The following MAP3K5 variants were observed in gnomAD, a reference collection of about 807,000 sequenced individuals.
MAP3K5 encodes the protein mitogen-activated protein kinase kinase kinase 5.
In MAP3K5, 56 loss-of-function variants were observed where a neutral mutation model predicts 158.7. The observed-to-expected ratio is 0.35, with a 90% CI of 0.28 to 0.44. MAP3K5 has a LOEUF of 0.44. MAP3K5 is among the 20% of genes least tolerant of loss of function. The pLI is 1.00. For missense variants in MAP3K5, 1,294 were observed against 1,674.8 expected, an observed-to-expected ratio of 0.77 and a Z score of 3.97; for synonymous variants, 579 against 601.7, an observed-to-expected ratio of 0.96 and a Z score of 0.55.
chr6:136,735,633 C>T (rs1035176945), intron 1 of MAP3K5, among the ~76,000 whole-genome samples: 3 of 152,122 alleles, frequency 2.0e-5, no homozygotes, highest in East Asian at 3.9e-4. Flanking sequence ...AGTTTGAGAC[C>T]AGCCTGAGCA....
intron 3 of MAP3K5, among the ~76,000 whole-genome samples, chr6:136,701,982 GGT>G (rs1780872609): frequency 6.6e-6 from 1 of 152,148 alleles, no homozygotes; most frequent in Non-Finnish European, 1.5e-5. Context: ...CAGATGTCTG[GGT>G]GTGTGTTAGG....
At chr6:136,657,615 T>C (rs1414965834) in intron 9 of MAP3K5, among the ~76,000 whole-genome samples, 1 of 152,154 alleles carries the variant, frequency 6.6e-6, no homozygotes. Context: ...CATGGAGATA[T>C]GACTAAACAG....
At chr6:136,654,079 A>T (rs1039681737) in intron 10 of MAP3K5, among the ~76,000 whole-genome samples, 2 of 152,250 alleles carry the variant, frequency 1.3e-5, no homozygotes, top group Non-Finnish European at 2.9e-5. Context: ...TGTTGGCAAG[A>T]TAACACCTAT....
intron 7 of MAP3K5, among the ~76,000 whole-genome samples, chr6:136,677,551 G>A (rs1318064713): frequency 6.6e-6 from 1 of 152,186 alleles, no homozygotes; most frequent in Non-Finnish European, 1.5e-5. Flanking sequence ...ACATGTCTGT[G>A]TCATGAACTC....
intron 21 of MAP3K5, 75 bp downstream of exon 21, chr6:136,600,947 C>T (rs1775845998): frequency 2.7e-6 from 4 of 1,493,368 alleles, no homozygotes; most frequent in Non-Finnish European, 3.7e-6. Flanking sequence ...CATGAGGCTA[C>T]TTGATGGGAA....
intron 15 of MAP3K5, among the ~76,000 whole-genome samples, chr6:136,620,401 C>T (rs918564252): frequency 4.6e-5 from 7 of 152,114 alleles, no homozygotes; most frequent in African/African-American, 9.7e-5. Flanking sequence ...AACAAACCTG[C>T]GCATGTACCC....
intron 1 of MAP3K5, among the ~76,000 whole-genome samples, chr6:136,773,939 C>A (rs1458029754): frequency 6.6e-6 from 1 of 152,130 alleles, no homozygotes; most frequent in Admixed American, 6.6e-5. Context: ...ACATTACAGG[C>A]ATGAGTCACC....
chr6:136,646,303 C>A (rs1778252765), intron 11 of MAP3K5, among the ~76,000 whole-genome samples: 1 of 152,132 alleles, frequency 6.6e-6, no homozygotes. Flanking sequence ...AAATTTGTAA[C>A]CCTATTTAAT....
chr6:136,718,090 G>C (rs972224219), intron 2 of MAP3K5, among the ~76,000 whole-genome samples: 1 of 152,128 alleles, frequency 6.6e-6, no homozygotes, highest in Non-Finnish European at 1.5e-5. Flanking sequence ...AATTTTCCTA[G>C]CTATATCACC....
chr6:136,707,730 GGTGA>G (rs1450277843), intron 2 of MAP3K5, among the ~76,000 whole-genome samples: 1 of 152,214 alleles, frequency 6.6e-6, no homozygotes, highest in African/African-American at 2.4e-5. Flanking sequence ...TGTTTTTTAA[GGTGA>G]GTGATATGTT....
At chr6:136,626,552 A>C (rs1777045700) in intron 14 of MAP3K5, among the ~76,000 whole-genome samples, 1 of 152,174 alleles carries the variant, frequency 6.6e-6, no homozygotes, top group African/African-American at 2.4e-5. Context: ...CAGGAAGCAT[A>C]ATCCAAACAA....
intron 25 of MAP3K5, among the ~76,000 whole-genome samples, chr6:136,571,077 T>C (rs763429270): frequency 2.0e-5 from 3 of 152,196 alleles, no homozygotes; most frequent in Non-Finnish European, 2.9e-5. Context: ...TGATGTCTTT[T>C]AACCAATCAA....
intron 23 of MAP3K5, among the ~76,000 whole-genome samples, chr6:136,584,991 T>C (rs1358489335): frequency 1.3e-5 from 2 of 152,188 alleles, no homozygotes; most frequent in African/African-American, 2.4e-5. Flanking sequence ...AACTACCCCT[T>C]ACCCATCAAT....
At chr6:136,787,941 T>C (rs1057064806) in intron 1 of MAP3K5, among the ~76,000 whole-genome samples, 3 of 152,248 alleles carry the variant, frequency 2.0e-5, no homozygotes, top group South Asian at 2.1e-4. Context: ...AAGCTAAGAA[T>C]GGTTTTTACA....
At chr6:136,763,968 G>C (rs534582680) in intron 1 of MAP3K5, among the ~76,000 whole-genome samples, 66 of 152,296 alleles carry the variant, frequency 4.3e-4, no homozygotes, top group African/African-American at 1.5e-3. Flanking sequence ...GCTCTCACCA[G>C]ATGCGCCCCC....
intron 25 of MAP3K5, among the ~76,000 whole-genome samples, chr6:136,574,922 C>G (rs1774538972): frequency 6.6e-6 from 1 of 151,842 alleles, no homozygotes; most frequent in Non-Finnish European, 1.5e-5. Flanking sequence ...ATCTCCTGAC[C>G]TCGTGATCCG....
Position 136,562,598 on chromosome 6 carries a change from A to G in MAP3K5, c.3779T>C (p.Val1260Ala). Residue 1260 changes from valine to alanine, a missense_variant, in exon 27 of 30, where the codon GTT becomes GCT. This residue lies in a region of MAP3K5 where 199 missense variants were observed against 220.3 expected (regional missense o/e 0.90). Coordinates refer to ENST00000359015, the MANE Select transcript of MAP3K5 (RefSeq NM_005923.4). Reference sequence around the variant, plus strand: ...TGCTTGTAATTCTTTCTCTTTCCGAACCAATTCTTCCAGTAATCTGCAGAA... The same window carrying G: ...TGCTTGTAATTCTTTCTCTTTCCGAGCCAATTCTTCCAGTAATCTGCAGAA... ...IETNRLLEEL[V>A]RKEKELQALL... The G allele has an allele frequency of 6.3e-7, 1 of 1,598,246 alleles. No individual in the cohort carries two copies. The highest frequency in any genetic ancestry group is 8.5e-7 in the Non-Finnish European group (1 of 1,170,512).
At chr6:136,720,183 C>T (rs753593092) in intron 2 of MAP3K5, among the ~76,000 whole-genome samples, 4 of 152,082 alleles carry the variant, frequency 2.6e-5, no homozygotes, top group Admixed American at 6.6e-5. Context: ...TCCACGTCGG[C>T]GCTAATGACT....
At chr6:136,753,183 T>C (rs1562674573) in intron 1 of MAP3K5, among the ~76,000 whole-genome samples, 3 of 152,244 alleles carry the variant, frequency 2.0e-5, no homozygotes, top group Non-Finnish European at 2.9e-5. Flanking sequence ...AAAAAAAGAA[T>C]GTCTACACTT....
Sources: allele counts gnomAD v4.1 joint callset (sites outside exome capture counted in the v4.1 genomes callset), GRCh38; gene constraint gnomAD v4.1.1; regional missense constraint gnomAD v4.1.1; transcripts MANE v1.5; gene names NCBI Gene and HGNC (gene_info 2026-07-23, HGNC 2026-07-21).